CCDC32: variants seen among roughly 807,000 people sequenced by gnomAD.
CCDC32 encodes the protein coiled-coil domain containing 32.
CCDC32 carries 9 observed loss-of-function variants against 20.1 expected under a neutral mutation model. The ratio of observed to expected loss-of-function variants is 0.45; its 90% CI spans 0.27 to 0.78. CCDC32 has a LOEUF of 0.78. Among genes scored for constraint, CCDC32 ranks in the 30% least tolerant of loss-of-function variants. CCDC32 has a pLI of 0.16. For synonymous variants in CCDC32, 63 were observed against 79.0 expected (o/e 0.80, Z 1.07); for missense variants, 204 against 215.5 (o/e 0.95, Z 0.33).
chr15:40,532,421 AG>A, downstream of CCDC32: 1 of 642,990 alleles, frequency 1.6e-6, no homozygotes, highest in Non-Finnish European at 2.8e-6. Flanking sequence ...ACTGCCATGT[AG>A]CAAGACACTT....
intron 3 of CCDC32, among the ~76,000 whole-genome samples, chr15:40,542,413 C>T (rs1176752934): frequency 1.3e-5 from 2 of 152,186 alleles, no homozygotes; most frequent in African/African-American, 4.8e-5. Context: ...TCGATCTGAG[C>T]CTGCTCACCC....
intron 1 of CCDC32, 61 bp from the exon 2 acceptor site, chr15:40,563,088 C>T: frequency 6.5e-7 from 1 of 1,544,008 alleles, no homozygotes; most frequent in Non-Finnish European, 8.7e-7. Context: ...TAAGGTTGAG[C>T]ACAGTGGCTC....
chr15:40,533,751 G>A (rs761658432), downstream of CCDC32, among the ~76,000 whole-genome samples: 20 of 152,118 alleles, frequency 1.3e-4, no homozygotes, highest in Admixed American at 1.1e-3. Context: ...TGTAAAAATA[G>A]CAGAGTAAGG....
chr15:40,541,926 G>C (rs1392470933), intron 3 of CCDC32, among the ~76,000 whole-genome samples: 2 of 152,212 alleles, frequency 1.3e-5, no homozygotes, highest in Admixed American at 6.5e-5. Context: ...TAGGTGATCA[G>C]GTGTTTGTCA....
chr15:40,541,664 G>A (rs1257644035), intron 3 of CCDC32, among the ~76,000 whole-genome samples: 1 of 152,134 alleles, frequency 6.6e-6, no homozygotes, highest in East Asian at 1.9e-4. Flanking sequence ...GTGATCCCAG[G>A]GCGACAGCCC....
rs531884987 is a variant in CCDC32, at chr15:40,553,719, C to T, written c.*252G>A. Reference sequence around the variant, plus strand: ...CACAGAGGAAAGCAGCATTTTGATCCAGTGTGCACTGGGTCAGTCACTTCA... The same window carrying T: ...CACAGAGGAAAGCAGCATTTTGATCTAGTGTGCACTGGGTCAGTCACTTCA... On this transcript the variant is annotated 3_prime_UTR_variant, in exon 4 of 4. Coordinates refer to ENST00000416810, the MANE Select transcript of CCDC32 (RefSeq NM_001080792.4). 84 of 1,256,668 alleles carry T rather than the reference C, an allele frequency of 6.7e-5. No homozygotes were observed. The African/African-American group carries it at 1.1e-3, about 17-fold the overall frequency. 77.8% of individuals were successfully genotyped at this position (1,256,668 alleles called of 1,614,324 possible).
chr15:40,535,138 A>G, downstream of CCDC32: 2 of 1,013,856 alleles, frequency 2.0e-6, no homozygotes, highest in Non-Finnish European at 2.9e-6. Context: ...GTATTTGATC[A>G]GAGCTGTGCA....
At chr15:40,528,588 A>G, downstream of CCDC32, 1 of 597,878 alleles carries the variant, frequency 1.7e-6, no homozygotes, top group South Asian at 2.1e-5. Flanking sequence ...GGGCCCTCAA[A>G]TCCAGGGAGG....
At chr15:40,542,572 A>C (rs1452928594) in intron 3 of CCDC32, among the ~76,000 whole-genome samples, 1 of 152,204 alleles carries the variant, frequency 6.6e-6, no homozygotes, top group Non-Finnish European at 1.5e-5. Flanking sequence ...TGGCAAGGTC[A>C]AGAAACAATG....
At chr15:40,564,864 T>C in intron 1 of CCDC32, 112 bp downstream of exon 1, 1 of 1,564,480 alleles carries the variant, frequency 6.4e-7, no homozygotes, top group Non-Finnish European at 8.8e-7. Flanking sequence ...CTCAGGTCTC[T>C]AGGGCTGTCT....
chr15:40,532,252 T>C, downstream of CCDC32: 1 of 703,458 alleles, frequency 1.4e-6, no homozygotes, highest in Non-Finnish European at 2.6e-6. Flanking sequence ...TAACATACTA[T>C]TGTCCTGGCA....
At chr15:40,525,918 A>G (rs1345730941), downstream of CCDC32, among the ~76,000 whole-genome samples, 1 of 151,736 alleles carries the variant, frequency 6.6e-6, no homozygotes, top group African/African-American at 2.4e-5. Context: ...AATAGTGTCA[A>G]TAATTACATA....
At chr15:40,528,444 G>A (rs981756061), downstream of CCDC32, among the ~76,000 whole-genome samples, 1 of 152,182 alleles carries the variant, frequency 6.6e-6, no homozygotes, top group Non-Finnish European at 1.5e-5. Flanking sequence ...CTCAAGGCAA[G>A]GCCAGACCAA....
At chr15:40,528,710 C>T in exon 4 of CCDC32, 1 of 700,132 alleles carries the variant, frequency 1.4e-6, no homozygotes, top group Non-Finnish European at 2.6e-6. Context: ...CAGGCCTTGT[C>T]CACAAGCGAA....
intron 1 of CCDC32, among the ~76,000 whole-genome samples, chr15:40,563,677 A>AACACACAC (rs59483012): frequency 1.5e-5 from 2 of 129,704 alleles, no homozygotes; most frequent in African/African-American, 2.6e-5. Context: ...CATATATTTT[A>AACACACAC]ACACACACAC....
At chr15:40,534,167 T>G (rs964941409), downstream of CCDC32, among the ~76,000 whole-genome samples, 2 of 152,224 alleles carry the variant, frequency 1.3e-5, no homozygotes, top group African/African-American at 4.8e-5. Context: ...TGCAGCAGTA[T>G]CCATTTGTCT....
At chr15:40,527,973 A>C (rs916987861), downstream of CCDC32, among the ~76,000 whole-genome samples, 1 of 152,274 alleles carries the variant, frequency 6.6e-6, no homozygotes, top group Admixed American at 6.5e-5. Flanking sequence ...ACTAGTGTAC[A>C]AGAAGGCCCT....
intron 3 of CCDC32, 67 bp downstream of exon 3, chr15:40,557,149 G>A: frequency 6.6e-7 from 1 of 1,526,588 alleles, no homozygotes; most frequent in Non-Finnish European, 8.8e-7. Flanking sequence ...CTACTGCTGG[G>A]CTAAAAACAA....
At chr15:40,562,510 G>A (rs1468873128) in intron 2 of CCDC32, among the ~76,000 whole-genome samples, 2 of 152,138 alleles carry the variant, frequency 1.3e-5, no homozygotes, top group African/African-American at 2.4e-5. Flanking sequence ...AACCCGGGAG[G>A]TGGAGGTTGC....
Sources: gnomAD v4.1 joint callset for allele counts (sites outside exome capture counted in the v4.1 genomes callset) on GRCh38, gnomAD v4.1.1 for gene constraint, MANE v1.5 for transcripts, NCBI Gene and HGNC (gene_info 2026-07-23, HGNC 2026-07-21) for gene names.